GPC5: variants seen among roughly 807,000 people sequenced by gnomAD.
The protein encoded by GPC5 is glypican-5.
Under a neutral mutation model 53.9 loss-of-function variants are expected in GPC5, and 47 were observed. The observed-to-expected ratio is 0.87, with a 90% CI of 0.69 to 1.11. The LOEUF is 1.11. GPC5 is among the 50% of genes most tolerant of loss of function. The pLI is 0.00. For synonymous variants in GPC5, 286 were observed against 263.3 expected (o/e 1.09, Z -0.84); for missense variants, 748 against 713.1 (o/e 1.05, Z -0.56).
At chr13:91,578,693 T>G (rs1252312313) in intron 2 of GPC5, among the ~76,000 whole-genome samples, 1 of 144,944 alleles carries the variant, frequency 6.9e-6, no homozygotes. Flanking sequence ...TATATATATA[T>G]TATGCTAATG....
At chr13:92,092,416 G>A (rs2041388363) in intron 6 of GPC5, among the ~76,000 whole-genome samples, 2 of 152,018 alleles carry the variant, frequency 1.3e-5, no homozygotes, top group Admixed American at 1.3e-4. Flanking sequence ...GTTCTGTATG[G>A]GCAAAAAGAA....
At chr13:92,345,968 G>A (rs1029480132) in intron 7 of GPC5, among the ~76,000 whole-genome samples, 5 of 152,142 alleles carry the variant, frequency 3.3e-5, no homozygotes, top group African/African-American at 1.2e-4. Context: ...TGAGCTGATT[G>A]CCTTCATAAG....
chr13:92,131,428 A>G (rs2041742359), intron 6 of GPC5, among the ~76,000 whole-genome samples: 1 of 152,080 alleles, frequency 6.6e-6, no homozygotes, highest in South Asian at 2.1e-4. Flanking sequence ...GTAGCCCAAA[A>G]TTAGAAACAG....
chr13:91,732,265 T>G (rs2036716451), intron 4 of GPC5, among the ~76,000 whole-genome samples: 1 of 152,262 alleles, frequency 6.6e-6, no homozygotes, highest in Non-Finnish European at 1.5e-5. Context: ...GATTTTGAGC[T>G]GTATTTCTCT....
chr13:92,794,939 C>T (rs1489499825), intron 7 of GPC5, among the ~76,000 whole-genome samples: 1 of 152,074 alleles, frequency 6.6e-6, no homozygotes, highest in Admixed American at 6.6e-5. Context: ...GAATCAATAT[C>T]GTGCAAATGA....
At chr13:92,574,704 T>C (rs558241928) in intron 7 of GPC5, among the ~76,000 whole-genome samples, 5 of 152,324 alleles carry the variant, frequency 3.3e-5, no homozygotes, top group African/African-American at 9.6e-5. Context: ...CTGAACTCTA[T>C]GTGCAGACAG....
At chr13:92,581,677 A>C (rs1883375450) in intron 7 of GPC5, among the ~76,000 whole-genome samples, 1 of 152,142 alleles carries the variant, frequency 6.6e-6, no homozygotes, top group African/African-American at 2.4e-5. Context: ...TCTACATTCC[A>C]ACAAACAGTT....
chr13:91,901,324 T>A (rs1279518353), intron 5 of GPC5, among the ~76,000 whole-genome samples: 1 of 152,072 alleles, frequency 6.6e-6, no homozygotes, highest in Non-Finnish European at 1.5e-5. Flanking sequence ...ACAATTGAAG[T>A]GAGATAGTGG....
At chr13:92,768,061 C>A in intron 7 of GPC5, among the ~76,000 whole-genome samples, 1 of 152,052 alleles carries the variant, frequency 6.6e-6, no homozygotes, top group East Asian at 1.9e-4. Flanking sequence ...TATGTGAAAA[C>A]CCTCAATCCA....
chr13:92,588,193 G>T (rs772084021), intron 7 of GPC5, among the ~76,000 whole-genome samples: 50 of 152,066 alleles, frequency 3.3e-4, no homozygotes, highest in Non-Finnish European at 5.9e-4. Flanking sequence ...TTTTGTTCCT[G>T]TGTTAGTTTA....
At chr13:92,508,397 T>C (rs1486645560) in intron 7 of GPC5, among the ~76,000 whole-genome samples, 1 of 152,142 alleles carries the variant, frequency 6.6e-6, no homozygotes, top group Non-Finnish European at 1.5e-5. Flanking sequence ...ACAATAATAA[T>C]GATTATGGAC....
At chr13:92,707,630 T>C (rs1445271374) in intron 7 of GPC5, among the ~76,000 whole-genome samples, 1 of 147,006 alleles carries the variant, frequency 6.8e-6, no homozygotes, top group East Asian at 2.0e-4. Context: ...AGCTCTTCTT[T>C]AAAAAAAAAA....
intron 6 of GPC5, among the ~76,000 whole-genome samples, chr13:91,971,446 AT>A (rs2040241567): frequency 6.6e-6 from 1 of 151,602 alleles, no homozygotes; most frequent in Non-Finnish European, 1.5e-5. Context: ...TTTTGAAGAG[AT>A]TTTGTGTCTC....
At chr13:92,543,773 T>C (rs1408224476) in intron 7 of GPC5, among the ~76,000 whole-genome samples, 1 of 152,138 alleles carries the variant, frequency 6.6e-6, no homozygotes, top group African/African-American at 2.4e-5. Context: ...CTAAATATTA[T>C]CTTTTCAATA....
chr13:92,318,409 T>C (rs895496589), intron 7 of GPC5, among the ~76,000 whole-genome samples: 1 of 152,194 alleles, frequency 6.6e-6, no homozygotes, highest in Non-Finnish European at 1.5e-5. Flanking sequence ...CCTTCTACAT[T>C]ATCTCCCCCA....
At chr13:92,171,985 G>A (rs890456914) in intron 7 of GPC5, among the ~76,000 whole-genome samples, 10 of 152,114 alleles carry the variant, frequency 6.6e-5, no homozygotes, top group Admixed American at 3.3e-4. Context: ...TACCATTGCC[G>A]TAGAACCCAT....
Position 91,963,313 on chromosome 13 carries a change from C to T in GPC5, c.1401+55256C>T, listed in dbSNP as rs572541008. Among the ~76,000 whole-genome samples the T allele has an allele frequency of 4.6e-5, 7 of 152,254 alleles. No homozygotes were observed. In the East Asian group the frequency reaches 1.4e-3, roughly 29 times the overall value. ...GACAAAGTTTAGGTAAGTATATCCA[C>T]AGGTTTTGAATCCAATTTTACCCTT... is the stretch of plus-strand genomic sequence containing the variant. On this transcript the variant is annotated intron_variant, in intron 6 of 7. Transcript: ENST00000377067.
intron 7 of GPC5, among the ~76,000 whole-genome samples, chr13:92,228,108 T>C (rs931320532): frequency 3.3e-5 from 5 of 151,232 alleles, no homozygotes; most frequent in African/African-American, 4.9e-5. Flanking sequence ...AGAAGATGGA[T>C]TGGTCTTCCT....
chr13:92,468,400 C>T (rs1480297645), intron 7 of GPC5, among the ~76,000 whole-genome samples: 3 of 152,046 alleles, frequency 2.0e-5, no homozygotes, highest in African/African-American at 7.2e-5. Flanking sequence ...ATTTAGAGAG[C>T]CTGTTAGTCT....
Sources: gnomAD v4.1 joint callset for allele counts (sites outside exome capture counted in the v4.1 genomes callset) on GRCh38, gnomAD v4.1.1 for gene constraint, MANE v1.5 for transcripts, NCBI Gene and HGNC (gene_info 2026-07-23, HGNC 2026-07-21) for gene names.